MYO3B: variants seen among roughly 807,000 people sequenced by gnomAD.
MYO3B encodes the protein myosin IIIB.
Under a neutral mutation model 174.6 loss-of-function variants are expected in MYO3B, and 156 were observed. The observed-to-expected ratio is 0.89, with a 90% CI of 0.78 to 1.02. The LOEUF is 1.02. Ranked by LOEUF, MYO3B falls within the 50% of genes least tolerant of loss-of-function variation. MYO3B has a pLI of 0.00. For missense variants in MYO3B, 1,632 were observed against 1,639.4 expected (o/e 1.00, Z 0.08); for synonymous variants, 563 against 569.1 (o/e 0.99, Z 0.15).
intron 32 of MYO3B, among the ~76,000 whole-genome samples, chr2:170,630,563 T>G (rs901814128): frequency 6.6e-6 from 1 of 152,160 alleles, no homozygotes; most frequent in Non-Finnish European, 1.5e-5. Flanking sequence ...CCCAGCACAG[T>G]GTTTGAGCTC....
At chr2:170,463,483 A>G (rs1459532679) in intron 24 of MYO3B, 38 bp downstream of exon 24, 3 of 1,583,282 alleles carry the variant, frequency 1.9e-6, no homozygotes, top group Non-Finnish European at 2.6e-6. Flanking sequence ...GCCTGCTTCC[A>G]AAAAGGACTG....
chr2:170,497,000 T>C (rs970035988), intron 25 of MYO3B, among the ~76,000 whole-genome samples: 1 of 152,090 alleles, frequency 6.6e-6, no homozygotes, highest in East Asian at 1.9e-4. Flanking sequence ...AAAACCCTTT[T>C]GGTAACGATG....
At chr2:170,275,073 A>T (rs2093454500) in intron 7 of MYO3B, among the ~76,000 whole-genome samples, 1 of 152,188 alleles carries the variant, frequency 6.6e-6, no homozygotes. Context: ...TTCAGAAAGA[A>T]ATAAGCCCGT....
At position 170,508,313 on chromosome 2, in the gene MYO3B, C is replaced by T. The variant is rs114898088; in HGVS notation, c.3370+6448C>T. Among the ~76,000 whole-genome samples the T allele has an allele frequency of 4.3e-3, 648 of 152,278 alleles. 4 individuals are homozygous for T. Among genetic ancestry groups the T allele is most frequent in the African/African-American group, 0.015 (617 of 41,546 alleles). On this transcript the variant is annotated intron_variant, in intron 28 of 34. Coordinates refer to ENST00000408978, the MANE Select transcript of MYO3B (RefSeq NM_138995.5). ...CAACATTATTATGATCGATTACACACTTGAGTTGCCTTTACTCTATGTCTT... is the reference window on the plus strand; with the variant it reads ...CAACATTATTATGATCGATTACACATTTGAGTTGCCTTTACTCTATGTCTT...
At chr2:170,422,649 G>A (rs901943261) in intron 22 of MYO3B, among the ~76,000 whole-genome samples, 1 of 151,972 alleles carries the variant, frequency 6.6e-6, no homozygotes, top group African/African-American at 2.4e-5. Context: ...AGTAGAGGTG[G>A]GGTTTCACCA....
intron 25 of MYO3B, among the ~76,000 whole-genome samples, chr2:170,478,655 G>A (rs1466259863): frequency 3.4e-5 from 5 of 146,686 alleles, no homozygotes; most frequent in African/African-American, 5.0e-5. Context: ...TACAACCTCC[G>A]CCTCCCAGGT....
At chr2:170,235,601 G>A (rs986758518) in intron 6 of MYO3B, among the ~76,000 whole-genome samples, 3 of 152,194 alleles carry the variant, frequency 2.0e-5, no homozygotes, top group Non-Finnish European at 4.4e-5. Flanking sequence ...AAGTACACAA[G>A]CATCTTTGAG....
At chr2:170,421,369 T>C (rs2094613402) in intron 22 of MYO3B, among the ~76,000 whole-genome samples, 2 of 152,332 alleles carry the variant, frequency 1.3e-5, no homozygotes, top group African/African-American at 2.4e-5. Context: ...CTGAAATCAA[T>C]TGCTGGCCCC....
At chr2:170,392,863 G>GTTTTTTT (rs5836273) in intron 16 of MYO3B, among the ~76,000 whole-genome samples, 1,760 of 150,288 alleles carry the variant, frequency 0.012, 33 homozygotes, top group African/African-American at 0.039. Flanking sequence ...AATACTGTGG[G>GTTTTTTT]TTTTTTTTCT....
chr2:170,241,151 AG>A (rs2093128190), intron 7 of MYO3B, among the ~76,000 whole-genome samples: 1 of 151,490 alleles, frequency 6.6e-6, no homozygotes, highest in Admixed American at 6.6e-5. Flanking sequence ...TAGTAGGAAA[AG>A]CTCATTCTTG....
chr2:170,342,375 G>A (rs929255467), intron 8 of MYO3B: 1 of 152,208 alleles, frequency 6.6e-6, no homozygotes, highest in East Asian at 1.9e-4. Context: ...GTGAGGGTGA[G>A]TGCTGCATTG....
chr2:170,559,098 A>G (rs1691541337), intron 32 of MYO3B, among the ~76,000 whole-genome samples: 1 of 152,202 alleles, frequency 6.6e-6, no homozygotes, highest in Non-Finnish European at 1.5e-5. Context: ...GAAGCTTTCA[A>G]GGTCTTTTGT....
intron 7 of MYO3B, among the ~76,000 whole-genome samples, chr2:170,307,344 A>T (rs866368393): frequency 3.3e-5 from 5 of 151,986 alleles, no homozygotes; most frequent in African/African-American, 4.8e-5. Context: ...TTAAAAAATC[A>T]TATGTACTTT....
At chr2:170,225,136 T>C (rs753456640) in intron 6 of MYO3B, among the ~76,000 whole-genome samples, 1 of 152,278 alleles carries the variant, frequency 6.6e-6, no homozygotes, top group Non-Finnish European at 1.5e-5. Context: ...AGCTAGCGTT[T>C]AGCGAGTGCT....
chr2:170,354,110 A>T (rs1359937335), intron 8 of MYO3B, among the ~76,000 whole-genome samples: 1 of 152,242 alleles, frequency 6.6e-6, no homozygotes, highest in Non-Finnish European at 1.5e-5. Context: ...ACAGTTGTCT[A>T]CTTCCAGTAA....
chr2:170,526,770 T>C (rs1373517668), intron 30 of MYO3B, among the ~76,000 whole-genome samples: 1 of 152,176 alleles, frequency 6.6e-6, no homozygotes, highest in South Asian at 2.1e-4. Flanking sequence ...GAGAAATCTG[T>C]TTTGAGTTAT....
rs528768988 is a variant in MYO3B at position 170,385,113 on chromosome 2, TG to T, written c.1291-1070del. Among the ~76,000 whole-genome samples the T allele has an allele frequency of 8.6e-5, 13 of 151,750 alleles. No homozygotes were observed. The South Asian group carries it at 1.5e-3, about 17-fold the overall frequency. ...GAAGAGACACATGGGGCAGGGTGTATGGGGGGAGGAAGGGGGCATGGCACAC... is the reference window on the plus strand; with the variant it reads ...GAAGAGACACATGGGGCAGGGTGTATGGGGGAGGAAGGGGGCATGGCACAC... On this transcript the variant is annotated intron_variant, in intron 12 of 34. Transcript: ENST00000408978.
At chr2:170,371,240 A>C (rs1190567226) in intron 9 of MYO3B, among the ~76,000 whole-genome samples, 1 of 133,476 alleles carries the variant, frequency 7.5e-6, no homozygotes, top group Non-Finnish European at 1.6e-5. Context: ...AAAAAAAAAA[A>C]CCAAAACCTT....
At position 170,631,171 on chromosome 2, in the gene MYO3B, C is replaced by T. The variant is rs1321905820; in HGVS notation, c.3734-20457C>T. 3.3e-5 allele frequency among the ~76,000 whole-genome samples: 5 copies of T among 152,150 alleles called. No homozygotes were observed. In the East Asian group the frequency reaches 9.7e-4, roughly 29 times the overall value. On this transcript the variant is annotated intron_variant, in intron 32 of 34. Transcript: ENST00000408978. ...CCTTGAAAAAAGATTAGATGAATGG[C>T]TAACTAGAATAACCAATGCAGAGAA... is the stretch of plus-strand genomic sequence containing the variant.
Sources: allele counts gnomAD v4.1 joint callset (sites outside exome capture counted in the v4.1 genomes callset), GRCh38; gene constraint gnomAD v4.1.1; transcripts MANE v1.5; gene names NCBI Gene and HGNC (gene_info 2026-07-23, HGNC 2026-07-21).